The following CTNNA3 variants were observed in gnomAD, a reference collection of about 807,000 sequenced individuals.
CTNNA3 encodes catenin alpha 3.
Under a neutral mutation model 95.7 loss-of-function variants are expected in CTNNA3, and 76 were observed. The ratio of observed to expected loss-of-function variants is 0.79; its 90% CI spans 0.66 to 0.96. The LOEUF is 0.96. Among genes scored for constraint, CTNNA3 ranks in the 40% least tolerant of loss-of-function variants. The pLI is 0.00. For synonymous variants in CTNNA3, 431 were observed against 374.4 expected (o/e 1.15, Z -1.74); for missense variants, 1,191 against 1,089.8 (o/e 1.09, Z -1.31).
At chr10:67,666,278 AGG>A (rs1840329526) in intron 1 of CTNNA3, among the ~76,000 whole-genome samples, 1 of 152,168 alleles carries the variant, frequency 6.6e-6, no homozygotes, top group Non-Finnish European at 1.5e-5. Flanking sequence ...TAACTAATGA[AGG>A]TAATTTAAAT....
intron 1 of CTNNA3, among the ~76,000 whole-genome samples, chr10:67,684,933 C>T (rs183082994): frequency 2.4e-4 from 37 of 152,288 alleles, no homozygotes; most frequent in African/African-American, 8.9e-4. Flanking sequence ...CCTGTAAACG[C>T]TGGGCGGCAT....
intron 7 of CTNNA3, among the ~76,000 whole-genome samples, chr10:66,910,982 T>A (rs769477661): frequency 5.3e-5 from 8 of 152,218 alleles, no homozygotes; most frequent in Non-Finnish European, 8.8e-5. Context: ...GCCATTCCAC[T>A]GAGGCCTAAC....
intron 11 of CTNNA3, among the ~76,000 whole-genome samples, chr10:66,417,963 C>G (rs901208800): frequency 3.3e-5 from 5 of 151,148 alleles, no homozygotes; most frequent in Non-Finnish European, 5.9e-5. Flanking sequence ...AGTGAAAAAT[C>G]AAGAATGAAC....
intron 11 of CTNNA3, among the ~76,000 whole-genome samples, chr10:66,424,811 T>C (rs1277002053): frequency 6.6e-6 from 1 of 152,098 alleles, no homozygotes; most frequent in African/African-American, 2.4e-5. Context: ...ATCTTATATA[T>C]CCTTTTTAAA....
At chr10:67,018,951 T>C (rs1019501658) in intron 7 of CTNNA3, among the ~76,000 whole-genome samples, 4 of 152,210 alleles carry the variant, frequency 2.6e-5, no homozygotes, top group Admixed American at 6.5e-5. Context: ...CAAACTCTGA[T>C]TTTCAGTATC....
At chr10:67,650,959 C>A (rs10997770) in intron 1 of CTNNA3, among the ~76,000 whole-genome samples, 20,049 of 151,998 alleles carry the variant, frequency 0.13, 1,421 homozygotes, top group Non-Finnish European at 0.16. Flanking sequence ...ACCACCACCC[C>A]CTCCCCCACT....
At chr10:66,822,279 A>G (rs972730576) in intron 7 of CTNNA3, among the ~76,000 whole-genome samples, 1 of 152,036 alleles carries the variant, frequency 6.6e-6, no homozygotes, top group African/African-American at 2.4e-5. Context: ...TCCTTGTTCC[A>G]TGACCACGGC....
chr10:67,594,273 A>G (rs1307025080), intron 3 of CTNNA3, among the ~76,000 whole-genome samples: 1 of 152,116 alleles, frequency 6.6e-6, no homozygotes, highest in African/African-American at 2.4e-5. Context: ...ACCTCGTAGA[A>G]TCAGGGAGGA....
intron 9 of CTNNA3, 65 bp from the exon 10 acceptor site, chr10:66,621,849 A>G (rs774486641): frequency 3.2e-6 from 3 of 925,820 alleles, no homozygotes; most frequent in Middle Eastern, 2.2e-4. Context: ...CAACACTTAT[A>G]CTGAACAAGA....
intron 5 of CTNNA3, among the ~76,000 whole-genome samples, chr10:67,337,887 A>G (rs1842051819): frequency 6.6e-6 from 1 of 152,244 alleles, no homozygotes; most frequent in Non-Finnish European, 1.5e-5. Flanking sequence ...GGGCTACAGT[A>G]TAGTATAAAC....
At chr10:66,164,833 G>A (rs1204321840) in intron 13 of CTNNA3, among the ~76,000 whole-genome samples, 1 of 151,956 alleles carries the variant, frequency 6.6e-6, no homozygotes, top group Non-Finnish European at 1.5e-5. Context: ...TCCAACACTG[G>A]TTCTATTTAC....
chr10:67,421,156 C>T (rs1045738596), intron 5 of CTNNA3, among the ~76,000 whole-genome samples: 5 of 152,108 alleles, frequency 3.3e-5, no homozygotes, highest in African/African-American at 1.2e-4. Context: ...ATCTATGGAG[C>T]ATGCCTCCTA....
chr10:65,998,821 A>T (rs2078715856), intron 15 of CTNNA3, among the ~76,000 whole-genome samples: 1 of 152,188 alleles, frequency 6.6e-6, no homozygotes, highest in Admixed American at 6.5e-5. Context: ...AGCACTATGT[A>T]GTGATAAAAG....
At chr10:66,944,926 A>G (rs1044224998) in intron 7 of CTNNA3, among the ~76,000 whole-genome samples, 2 of 152,148 alleles carry the variant, frequency 1.3e-5, no homozygotes, top group Admixed American at 6.5e-5. Context: ...GAGGCTTAAA[A>G]TGTCCAGTAA....
At chr10:66,987,310 T>G (rs962799816) in intron 7 of CTNNA3, among the ~76,000 whole-genome samples, 29 of 152,156 alleles carry the variant, frequency 1.9e-4, no homozygotes, top group African/African-American at 6.8e-4. Context: ...GAGAGACAGT[T>G]ATAAGAGTAT....
chr10:67,652,005 C>T (rs917722726), intron 1 of CTNNA3, among the ~76,000 whole-genome samples: 29 of 152,306 alleles, frequency 1.9e-4, no homozygotes, highest in African/African-American at 4.1e-4. Flanking sequence ...GTGGCTTAAA[C>T]GACAAACATT....
intron 7 of CTNNA3, among the ~76,000 whole-genome samples, chr10:66,834,304 A>T (rs1167669894): frequency 1.3e-5 from 2 of 152,230 alleles, no homozygotes; most frequent in African/African-American, 4.8e-5. Flanking sequence ...CATGTGCAAG[A>T]TATTACGTCC....
intron 7 of CTNNA3, among the ~76,000 whole-genome samples, chr10:66,901,868 A>G (rs868672480): frequency 4.4e-4 from 67 of 152,242 alleles, no homozygotes; most frequent in Admixed American, 6.5e-4. Context: ...GAGCACCCAG[A>G]TTCATAAAGC....
chr10:67,406,513 C>T (rs1845142620), intron 5 of CTNNA3, among the ~76,000 whole-genome samples: 1 of 151,922 alleles, frequency 6.6e-6, no homozygotes, highest in Admixed American at 6.6e-5. Flanking sequence ...ACTAAAAGAA[C>T]TAGGAAACCA....
Sources: gnomAD v4.1 joint callset for allele counts (sites outside exome capture counted in the v4.1 genomes callset) on GRCh38, gnomAD v4.1.1 for gene constraint, MANE v1.5 for transcripts, NCBI Gene and HGNC (gene_info 2026-07-23, HGNC 2026-07-21) for gene names.